The following ATRN variants were observed in gnomAD, a reference collection of about 807,000 sequenced individuals.
ATRN encodes attractin-2.
Under a neutral mutation model 178.7 loss-of-function variants are expected in ATRN, and 54 were observed. The ratio of observed to expected loss-of-function variants is 0.30; its 90% CI spans 0.24 to 0.38. The LOEUF is 0.38. ATRN is among the 10% of genes least tolerant of loss of function. The pLI, the probability that ATRN is intolerant of heterozygous loss-of-function variation, is 1.00. For synonymous variants in ATRN, 636 were observed against 663.0 expected (o/e 0.96, Z 0.63); for missense variants, 1,443 against 1,815.1 (o/e 0.79, Z 3.73).
chr20:3,538,398 G>A (rs992280438), intron 2 of ATRN, among the ~76,000 whole-genome samples: 10 of 152,154 alleles, frequency 6.6e-5, no homozygotes, highest in Admixed American at 3.3e-4. Context: ...TGCTATCTTA[G>A]TTTTACTGTG....
chr20:3,578,172 A>T (rs1256548374), intron 14 of ATRN, among the ~76,000 whole-genome samples: 1 of 152,144 alleles, frequency 6.6e-6, no homozygotes, highest in Non-Finnish European at 1.5e-5. Context: ...GAGACTATAG[A>T]TTTGTTAATT....
chr20:3,625,819 A>G (rs1272678533), intron 25 of ATRN, among the ~76,000 whole-genome samples: 1 of 152,116 alleles, frequency 6.6e-6, no homozygotes, highest in Non-Finnish European at 1.5e-5. Context: ...TCACCTTCCT[A>G]TCCATTCCCT....
chr20:3,520,807 C>T (rs944033380), intron 1 of ATRN, among the ~76,000 whole-genome samples: 3 of 152,058 alleles, frequency 2.0e-5, no homozygotes, highest in African/African-American at 7.3e-5. Flanking sequence ...TGCACGCCAA[C>T]TTTATCACAC....
chr20:3,628,021 A>C (rs2086957288), intron 25 of ATRN, among the ~76,000 whole-genome samples: 1 of 152,092 alleles, frequency 6.6e-6, no homozygotes, highest in African/African-American at 2.4e-5. Flanking sequence ...AAATACAAAA[A>C]ATTAGCCAGG....
intron 1 of ATRN, among the ~76,000 whole-genome samples, chr20:3,515,748 T>C (rs1410042944): frequency 2.0e-5 from 3 of 152,196 alleles, no homozygotes; most frequent in African/African-American, 7.2e-5. Flanking sequence ...ACAGCTCTTC[T>C]GTAAGCTGAT....
intron 17 of ATRN, among the ~76,000 whole-genome samples, 187 bp downstream of exon 17, chr20:3,584,270 G>GT (rs2086323959): frequency 4.6e-5 from 7 of 152,036 alleles, no homozygotes; most frequent in Non-Finnish European, 1.0e-4. Flanking sequence ...ACAGAATCAG[G>GT]CACATTGACA....
intron 1 of ATRN, chr20:3,489,863 G>C: frequency 7.8e-7 from 1 of 1,283,982 alleles, no homozygotes; most frequent in Non-Finnish European, 1.1e-6. Context: ...AGTAGGGAAT[G>C]CGTTTGCCAT....
chr20:3,485,261 A>G (rs576565966), intron 1 of ATRN, among the ~76,000 whole-genome samples: 2 of 152,136 alleles, frequency 1.3e-5, no homozygotes, highest in East Asian at 1.9e-4. Flanking sequence ...GTTGATAGTC[A>G]TGCTGCCAAT....
At chr20:3,516,968 G>T (rs2085213655) in intron 1 of ATRN, among the ~76,000 whole-genome samples, 1 of 152,062 alleles carries the variant, frequency 6.6e-6, no homozygotes, top group African/African-American at 2.4e-5. Context: ...TGCCTTTACA[G>T]TAGAATGAAT....
At chr20:3,633,125 A>G (rs1209335449) in intron 25 of ATRN, among the ~76,000 whole-genome samples, 4 of 149,436 alleles carry the variant, frequency 2.7e-5, no homozygotes, top group Non-Finnish European at 5.9e-5. Context: ...ACAGAGCGAG[A>G]CTGTGTCTCA....
At position 3,551,077 on chromosome 20, in the gene ATRN, A is replaced by G. The variant is rs11908252; in HGVS notation, c.1112+1739A>G. On this transcript the variant is annotated intron_variant, in intron 6 of 28. Coordinates refer to ENST00000262919, the MANE Select transcript of ATRN (RefSeq NM_139321.3). ...CTGGTGCAGTGCACCCAGTCACCTG[A>G]TGCTGTGCAATTTGGCTGTTGTCAG... 3.4e-3 allele frequency among the ~76,000 whole-genome samples: 516 copies of G among 152,266 alleles called. 2 individuals carry two copies. Among genetic ancestry groups the G allele is most frequent in the African/African-American group, 0.012 (487 of 41,540 alleles).
At chr20:3,592,350 A>G in intron 19 of ATRN, 1 of 626,624 alleles carries the variant, frequency 1.6e-6, no homozygotes, top group Non-Finnish European at 2.0e-6. Context: ...CAGTGAGCTA[A>G]GATCACGCCA....
chr20:3,499,234 A>G (rs1435242619), intron 1 of ATRN, among the ~76,000 whole-genome samples: 5 of 105,530 alleles, frequency 4.7e-5, no homozygotes, highest in African/African-American at 2.1e-4. Context: ...GGAAGAATCA[A>G]TATCGTGAAA....
chr20:3,610,882 C>G (rs6107319), intron 24 of ATRN, among the ~76,000 whole-genome samples: 1 of 151,426 alleles, frequency 6.6e-6, no homozygotes, highest in East Asian at 1.9e-4. Context: ...AGACATGAGC[C>G]GTTGCGCCCA....
At chr20:3,504,663 C>A (rs2085012625) in intron 1 of ATRN, among the ~76,000 whole-genome samples, 1 of 148,088 alleles carries the variant, frequency 6.8e-6, no homozygotes, top group African/African-American at 2.5e-5. Context: ...CCAGCCTGGG[C>A]AATAAGAGTG....
At chr20:3,574,840 A>G (rs1007355069) in intron 12 of ATRN, among the ~76,000 whole-genome samples, 8 of 152,192 alleles carry the variant, frequency 5.3e-5, no homozygotes, top group African/African-American at 1.9e-4. Flanking sequence ...GAGCAGCCTA[A>G]GGAGCCGACT....
intron 5 of ATRN, among the ~76,000 whole-genome samples, chr20:3,548,436 C>T (rs1339193477): frequency 6.6e-6 from 1 of 151,950 alleles, no homozygotes; most frequent in African/African-American, 2.4e-5. Context: ...CCTGTCTCTA[C>T]TAAAAAATAC....
At chr20:3,532,208 G>T (rs1246390672) in intron 1 of ATRN, among the ~76,000 whole-genome samples, 2 of 152,204 alleles carry the variant, frequency 1.3e-5, no homozygotes, top group Non-Finnish European at 2.9e-5. Context: ...TTCACGTGAA[G>T]TCCACTGAAA....
At chr20:3,547,914 T>C (rs1387334278) in intron 5 of ATRN, among the ~76,000 whole-genome samples, 1 of 152,184 alleles carries the variant, frequency 6.6e-6, no homozygotes, top group Admixed American at 6.5e-5. Context: ...TTAAAGAAGC[T>C]TTAGGGAATT....
Sources: gnomAD v4.1 joint callset for allele counts (sites outside exome capture counted in the v4.1 genomes callset) on GRCh38, gnomAD v4.1.1 for gene constraint, MANE v1.5 for transcripts, NCBI Gene and HGNC (gene_info 2026-07-23, HGNC 2026-07-21) for gene names.